IMPA2: variants seen among roughly 807,000 people sequenced by gnomAD.
IMPA2 encodes the protein IMP 2.
In IMPA2, 32 loss-of-function variants were observed where a neutral mutation model predicts 35.1. The observed-to-expected ratio is 0.91, with a 90% CI of 0.69 to 1.23. IMPA2 has a LOEUF of 1.23. Among genes scored for constraint, IMPA2 ranks in the 50% most tolerant of loss-of-function variants. IMPA2 has a pLI of 0.00. For missense variants in IMPA2, 334 were observed against 387.6 expected (o/e 0.86, Z 1.16); for synonymous variants, 135 against 160.6 (o/e 0.84, Z 1.20).
chr18:12,017,402 T>A (rs1475672073), intron 5 of IMPA2, among the ~76,000 whole-genome samples: 1 of 151,966 alleles, frequency 6.6e-6, no homozygotes. Context: ...TCAATATCAC[T>A]CTCTACCCAA....
chr18:11,983,770 A>C (rs1906575399), intron 1 of IMPA2, among the ~76,000 whole-genome samples: 1 of 152,030 alleles, frequency 6.6e-6, no homozygotes, highest in Admixed American at 6.5e-5. Flanking sequence ...GAATGGCCTG[A>C]AGGTCTGCTG....
At chr18:12,001,910 G>A (rs1041039443) in intron 2 of IMPA2, among the ~76,000 whole-genome samples, 1 of 152,174 alleles carries the variant, frequency 6.6e-6, no homozygotes, top group Non-Finnish European at 1.5e-5. Context: ...GCTGCACCAC[G>A]GACAGCCCCA....
intron 1 of IMPA2, among the ~76,000 whole-genome samples, chr18:11,983,378 C>A (rs1906561694): frequency 6.6e-6 from 1 of 152,170 alleles, no homozygotes; most frequent in African/African-American, 2.4e-5. Flanking sequence ...TAAAACTTTT[C>A]TTCCTTGAGG....
intron 2 of IMPA2, among the ~76,000 whole-genome samples, chr18:12,006,544 T>TAGA (rs1907252277): frequency 1.3e-5 from 2 of 152,312 alleles, no homozygotes; most frequent in Admixed American, 6.5e-5. Flanking sequence ...ATTCCTTGGG[T>TAGA]GTCTTGCTTA....
intron 1 of IMPA2, among the ~76,000 whole-genome samples, chr18:11,989,649 C>T (rs534606189): frequency 6.6e-6 from 1 of 152,302 alleles, no homozygotes; most frequent in African/African-American, 2.4e-5. Context: ...GGGCAGAAGG[C>T]ACTGCCCTTG....
intron 2 of IMPA2, among the ~76,000 whole-genome samples, chr18:12,000,183 T>TA (rs1458332314): frequency 6.6e-6 from 1 of 152,062 alleles, no homozygotes; most frequent in Non-Finnish European, 1.5e-5. Context: ...TTTTTATATA[T>TA]TTTTTAAGAG....
At chr18:11,992,487 A>G (rs1598685068) in intron 1 of IMPA2, among the ~76,000 whole-genome samples, 1 of 152,224 alleles carries the variant, frequency 6.6e-6, no homozygotes, top group East Asian at 1.9e-4. Flanking sequence ...CAGGAAAGAT[A>G]GTTGGACGTC....
chr18:12,026,096 G>A (rs1330993441), intron 5 of IMPA2, among the ~76,000 whole-genome samples: 1 of 145,558 alleles, frequency 6.9e-6, no homozygotes, highest in Non-Finnish European at 1.5e-5. Flanking sequence ...ATGCAATGGT[G>A]TGATCTTGGC....
chr18:11,998,727 G>A (rs1322432124), intron 1 of IMPA2, among the ~76,000 whole-genome samples: 2 of 152,054 alleles, frequency 1.3e-5, no homozygotes, highest in African/African-American at 2.4e-5. Context: ...TCTTTTACTC[G>A]AAGAGAAGTT....
chr18:11,997,710 C>T (rs746851607), intron 1 of IMPA2, among the ~76,000 whole-genome samples: 44 of 152,252 alleles, frequency 2.9e-4, no homozygotes, highest in African/African-American at 9.6e-4. Flanking sequence ...TATCAGAAGA[C>T]GTGATGGATG....
At chr18:11,988,910 C>G (rs1906736411) in intron 1 of IMPA2, among the ~76,000 whole-genome samples, 1 of 152,108 alleles carries the variant, frequency 6.6e-6, no homozygotes, top group Non-Finnish European at 1.5e-5. Context: ...CAGCTTCTAC[C>G]TCCTGGGCTC....
At chr18:12,011,394 A>G (rs1251325225) in intron 3 of IMPA2, among the ~76,000 whole-genome samples, 4 of 152,202 alleles carry the variant, frequency 2.6e-5, no homozygotes, top group Non-Finnish European at 5.9e-5. Context: ...GCAGTGGGAG[A>G]AAGCTCTCCT....
intron 1 of IMPA2, among the ~76,000 whole-genome samples, chr18:11,992,176 G>A (rs114743634): frequency 0.016 from 2,445 of 152,322 alleles, 32 homozygotes; most frequent in African/African-American, 0.031. Context: ...TGCGCTCCAC[G>A]TAGCTCAGTC....
intron 3 of IMPA2, among the ~76,000 whole-genome samples, chr18:12,011,590 A>G (rs563548614): frequency 6.6e-6 from 1 of 152,346 alleles, no homozygotes; most frequent in African/African-American, 2.4e-5. Context: ...TGATCTCCCT[A>G]TAAAGGAAGG....
At position 11,999,084 on chromosome 18, in the gene IMPA2, CGT is replaced by C. The variant is rs751528431; in HGVS notation, c.130_131del (p.Val44LeufsTer24). 3.7e-6 allele frequency: 6 copies of C among 1,613,512 alleles called. No individual in the cohort carries two copies. The highest frequency in any genetic ancestry group is 1.3e-5 in the African/African-American group (1 of 74,962). On this transcript the variant is annotated frameshift_variant, in exon 2 of 8. Coordinates refer to ENST00000269159, the MANE Select transcript of IMPA2 (RefSeq NM_014214.3). LOFTEE classifies it high-confidence loss of function. ...CAGAAAAGCCCTTACTGAGGAAAAA[CGT>C]GTCTCAACAAAAACATCAGCTGCAG... ...IIRKALTEEK[R>X]VSTKTSAADL...
At chr18:11,983,512 T>C (rs1165353749) in intron 1 of IMPA2, among the ~76,000 whole-genome samples, 1 of 152,232 alleles carries the variant, frequency 6.6e-6, no homozygotes, top group Admixed American at 6.5e-5. Context: ...TTTTATGTTA[T>C]TATTTAACAA....
At chr18:11,999,360 C>T (rs529763322) in intron 2 of IMPA2, among the ~76,000 whole-genome samples, 173 bp downstream of exon 2, 1 of 152,330 alleles carries the variant, frequency 6.6e-6, no homozygotes, top group African/African-American at 2.4e-5. Context: ...AAACTCAGCC[C>T]TGTTTTCATT....
rs1288233386 is a variant in IMPA2, at chr18:11,991,733, G to A, written c.97-7321G>A. 6.6e-6 allele frequency among the ~76,000 whole-genome samples: 1 copy of A among 152,210 alleles called. No homozygotes were observed. Among genetic ancestry groups the A allele is most frequent in the Admixed American group, 6.5e-5 (1 of 15,282 alleles). On this transcript the variant is annotated intron_variant, in intron 1 of 7. Coordinates refer to ENST00000269159, the MANE Select transcript of IMPA2 (RefSeq NM_014214.3). This position sits in a 1 kb window ranked among gnomAD's most constrained non-coding sequence, Gnocchi z 4.1. ...CCCCCTCTTACTTGGGGGAGGGTCAGCCTTTTCATTCTGTTTGGGCCCTCA... is the reference window on the plus strand; with the variant it reads ...CCCCCTCTTACTTGGGGGAGGGTCAACCTTTTCATTCTGTTTGGGCCCTCA...
chr18:12,021,671 C>G (rs1241755271), intron 5 of IMPA2: 1 of 152,216 alleles, frequency 6.6e-6, no homozygotes, highest in Non-Finnish European at 1.5e-5. Flanking sequence ...CACACACCAC[C>G]ATGCCTGGCT....
Sources: allele counts gnomAD v4.1 joint callset (sites outside exome capture counted in the v4.1 genomes callset), GRCh38; gene constraint gnomAD v4.1.1; non-coding constraint Gnocchi (gnomAD v3.1); transcripts MANE v1.5; gene names NCBI Gene and HGNC (gene_info 2026-07-23, HGNC 2026-07-21).